UCK2: variants seen among roughly 807,000 people sequenced by gnomAD.
UCK2 encodes the protein cytidine monophosphokinase 2.
Under a neutral mutation model 30.8 loss-of-function variants are expected in UCK2, and 6 were observed. The ratio of observed to expected loss-of-function variants is 0.19; its 90% CI spans 0.11 to 0.38. The LOEUF (loss-of-function observed/expected upper bound fraction) is 0.38, where lower values mean the gene tolerates loss of function less well. UCK2 is among the 10% of genes least tolerant of loss of function. The probability of loss-of-function intolerance (pLI) is 1.00; values close to 1 mark genes in which losing one functional copy is unlikely to be tolerated. For missense variants in UCK2, 210 were observed against 339.8 expected (o/e 0.62, Z 3.00); for synonymous variants, 125 against 133.6 (o/e 0.94, Z 0.45).
At chr1:165,846,064 G>A (rs1654440934) in intron 1 of UCK2, among the ~76,000 whole-genome samples, 2 of 152,116 alleles carry the variant, frequency 1.3e-5, no homozygotes, top group South Asian at 4.1e-4. Flanking sequence ...GGCCGAGGTG[G>A]GATGATCACT....
At position 165,902,059 on chromosome 1, in the gene UCK2, C is replaced by T. The variant is rs980335746; in HGVS notation, c.500-1123C>T. ...GACCATCCTGGCTAACACGGTGAAACCCCCATCTCTACTAAAAATACAAAA... is the reference window on the plus strand; with the variant it reads ...GACCATCCTGGCTAACACGGTGAAATCCCCATCTCTACTAAAAATACAAAA... On this transcript the variant is annotated intron_variant, in intron 4 of 6. Transcript: ENST00000367879. 4.0e-5 allele frequency among the ~76,000 whole-genome samples: 6 copies of T among 151,196 alleles called. No individual in the cohort carries two copies. In the South Asian group the frequency reaches 1.0e-3, roughly 26 times the overall value.
intron 1 of UCK2, among the ~76,000 whole-genome samples, chr1:165,881,174 A>G (rs1655491315): frequency 2.2e-5 from 3 of 138,262 alleles, no homozygotes; most frequent in East Asian, 2.2e-4. Context: ...CTCTGTCTCA[A>G]TAAAACTTAA....
intron 1 of UCK2, among the ~76,000 whole-genome samples, chr1:165,846,692 C>T (rs148326799): frequency 2.6e-4 from 39 of 152,220 alleles, no homozygotes; most frequent in African/African-American, 8.4e-4. Context: ...AGGATAAGCA[C>T]GAACACTTTT....
At chr1:165,860,138 G>C (rs1266780020) in intron 1 of UCK2, among the ~76,000 whole-genome samples, 2 of 152,176 alleles carry the variant, frequency 1.3e-5, no homozygotes, top group Non-Finnish European at 2.9e-5. Flanking sequence ...TTGCACTGCG[G>C]GGCAGATTCA....
At chr1:165,890,140 G>T (rs1655729101) in intron 1 of UCK2, 64 bp from the exon 2 acceptor site, 1 of 1,583,934 alleles carries the variant, frequency 6.3e-7, no homozygotes, top group Non-Finnish European at 8.6e-7. Context: ...GTTACTCTCG[G>T]GACTTCCTCT....
intron 1 of UCK2, among the ~76,000 whole-genome samples, chr1:165,866,599 C>T (rs1208605824): frequency 1.3e-5 from 2 of 152,112 alleles, no homozygotes; most frequent in East Asian, 1.9e-4. Context: ...GTTATACAAC[C>T]GTCACCACCA....
intron 1 of UCK2, among the ~76,000 whole-genome samples, chr1:165,837,857 G>A (rs539864196): frequency 4.5e-4 from 68 of 152,214 alleles, no homozygotes; most frequent in Middle Eastern, 6.8e-3. Context: ...CCTTGAACGT[G>A]CTCAATCTTT....
chr1:165,871,177 G>T lies in UCK2; in HGVS notation c.100-19027G>T, dbSNP rs138977391. ...GGGAGTGAATTTTTTGTGTGTGCGT[G>T]TGCGTTTGCTTATTGTACCCATTTC... On this transcript the variant is annotated intron_variant, in intron 1 of 6. Transcript: ENST00000367879. Among the ~76,000 whole-genome samples, 607 of 152,150 alleles carry T rather than the reference G, an allele frequency of 4.0e-3. 3 individuals are homozygous for T. Among genetic ancestry groups the T allele is most frequent in the Non-Finnish European group, 7.0e-3 (473 of 67,994 alleles).
At chr1:165,878,490 C>T (rs1291760029) in intron 1 of UCK2, among the ~76,000 whole-genome samples, 1 of 152,026 alleles carries the variant, frequency 6.6e-6, no homozygotes, top group Non-Finnish European at 1.5e-5. Context: ...GCCACCATGC[C>T]CAGCTAATTT....
chr1:165,895,980 A>G (rs1460404499), intron 3 of UCK2: 1 of 574,210 alleles, frequency 1.7e-6, no homozygotes, highest in Non-Finnish European at 3.0e-6. Context: ...TGGTCAAAGG[A>G]GACCTTTGTC....
At chr1:165,875,115 GA>G (rs1440947641) in intron 1 of UCK2, among the ~76,000 whole-genome samples, 1 of 150,866 alleles carries the variant, frequency 6.6e-6, no homozygotes, top group African/African-American at 2.4e-5. Flanking sequence ...GGATCTTAAA[GA>G]AGAGAATAAT....
chr1:165,894,877 G>C (rs760267818), intron 3 of UCK2, among the ~76,000 whole-genome samples: 8 of 152,128 alleles, frequency 5.3e-5, no homozygotes, highest in Non-Finnish European at 1.2e-4. Flanking sequence ...AAGAGACTTT[G>C]TTTTATTTGG....
intron 1 of UCK2, among the ~76,000 whole-genome samples, chr1:165,847,511 C>T (rs1258835384): frequency 6.6e-6 from 1 of 152,158 alleles, no homozygotes; most frequent in Non-Finnish European, 1.5e-5. Flanking sequence ...CTCCATATTT[C>T]AAAAAATTAC....
chr1:165,852,920 T>C (rs1221993237), intron 1 of UCK2, among the ~76,000 whole-genome samples: 2 of 152,228 alleles, frequency 1.3e-5, no homozygotes, highest in Non-Finnish European at 2.9e-5. Context: ...CTCAAATAAA[T>C]ATCAAAGAGT....
At chr1:165,904,314 G>A (rs1474382977) in intron 5 of UCK2, 5 of 152,110 alleles carry the variant, frequency 3.3e-5, no homozygotes, top group South Asian at 2.1e-4. Context: ...GTTTAAATGC[G>A]GGACAGGTGG....
intron 3 of UCK2, 118 bp from the exon 4 acceptor site, chr1:165,896,072 T>G (rs536876919): frequency 3.3e-5 from 44 of 1,330,080 alleles, no homozygotes; most frequent in Admixed American, 2.9e-4. Context: ...AGCCCCCGCT[T>G]GAAGTCTGTG....
intron 4 of UCK2, chr1:165,902,591 G>GTTTTTTTTTT (rs1557850463): frequency 5.1e-5 from 2 of 38,894 alleles, no homozygotes; most frequent in Non-Finnish European, 7.0e-5. Context: ...TTCACTGAGT[G>GTTTTTTTTTT]ATTTTTTTTT....
intron 3 of UCK2, chr1:165,895,779 T>G (rs1237166095): frequency 4.4e-6 from 2 of 452,090 alleles, no homozygotes; most frequent in African/African-American, 4.3e-5. Flanking sequence ...TGAGTTTCTG[T>G]TTTTAAAGTT....
chr1:165,892,640 T>TG (rs1172052473), intron 3 of UCK2: 3 of 152,176 alleles, frequency 2.0e-5, no homozygotes, highest in Non-Finnish European at 4.4e-5. Context: ...GGGGAAGTGG[T>TG]GGTGGTGTCA....
Sources: gnomAD v4.1 joint callset for allele counts (sites outside exome capture counted in the v4.1 genomes callset) on GRCh38, gnomAD v4.1.1 for gene constraint, MANE v1.5 for transcripts, NCBI Gene and HGNC (gene_info 2026-07-23, HGNC 2026-07-21) for gene names.